DGKI: variants seen among roughly 807,000 people sequenced by gnomAD.
DGKI encodes the protein diacylglycerol kinase iota.
Under a neutral mutation model 147.5 loss-of-function variants are expected in DGKI, and 55 were observed. The ratio of observed to expected loss-of-function variants is 0.37; its 90% confidence interval spans 0.30 to 0.47. DGKI has a LOEUF of 0.47. Ranked by LOEUF, DGKI falls within the 20% of genes least tolerant of loss-of-function variation. DGKI has a pLI of 1.00. For missense variants in DGKI, 1,007 were observed against 1,323.8 expected, an observed-to-expected ratio of 0.76 and a Z score of 3.71; for synonymous variants, 469 against 477.1, an observed-to-expected ratio of 0.98 and a Z score of 0.22.
At chr7:137,701,940 A>T (rs888509615) in intron 1 of DGKI, among the ~76,000 whole-genome samples, 9 of 152,202 alleles carry the variant, frequency 5.9e-5, no homozygotes, top group African/African-American at 1.7e-4. Flanking sequence ...GAAATCCAGA[A>T]CATGTGCTAT....
intron 1 of DGKI, among the ~76,000 whole-genome samples, chr7:137,740,957 G>GCTCA (rs1795156325): frequency 1.3e-5 from 2 of 152,132 alleles, no homozygotes; most frequent in Admixed American, 1.3e-4. Flanking sequence ...AGGTAAATGA[G>GCTCA]CTCACCTCTC....
At chr7:137,728,800 T>A (rs910610798) in intron 1 of DGKI, among the ~76,000 whole-genome samples, 1 of 152,184 alleles carries the variant, frequency 6.6e-6, no homozygotes, top group African/African-American at 2.4e-5. Flanking sequence ...TTTAATCACA[T>A]GAAAGTTAAA....
rs1811138971 is a variant in DGKI at position 137,384,811 on chromosome 7, T to C, written c.*6409A>G. 6.6e-6 allele frequency: 1 copy of C among 152,126 alleles called. No homozygotes were observed. Among genetic ancestry groups the C allele is most frequent in the African/African-American group, 2.4e-5 (1 of 41,442 alleles). The allele number at this position is 152,126 out of a possible 1,614,324, so 9.4% of individuals were successfully genotyped here. ...ACTAAAGGTCTGAGGGAAAAGATAATTTCAGTATTTCCCACTATCAAAGCC... is the reference window on the plus strand; with the variant it reads ...ACTAAAGGTCTGAGGGAAAAGATAACTTCAGTATTTCCCACTATCAAAGCC... On this transcript the variant is annotated 3_prime_UTR_variant, in exon 33 of 33. Transcript: ENST00000614521.
intron 28 of DGKI, among the ~76,000 whole-genome samples, chr7:137,441,786 C>T (rs1813520300): frequency 6.6e-6 from 1 of 152,088 alleles, no homozygotes; most frequent in Non-Finnish European, 1.5e-5. Context: ...TCCATGTGTC[C>T]AACATGCCTT....
chr7:137,709,064 C>T (rs1794137321), intron 1 of DGKI, among the ~76,000 whole-genome samples: 1 of 152,196 alleles, frequency 6.6e-6, no homozygotes, highest in East Asian at 1.9e-4. Context: ...CACTTCGCTG[C>T]TCCAACCCTT....
intron 5 of DGKI, among the ~76,000 whole-genome samples, chr7:137,649,269 C>A (rs1335137614): frequency 1.3e-5 from 2 of 152,102 alleles, no homozygotes; most frequent in African/African-American, 4.8e-5. Context: ...TTATTCTAAT[C>A]CTCATATCCC....
chr7:137,737,623 C>T (rs1028669641), intron 1 of DGKI, among the ~76,000 whole-genome samples: 2 of 152,028 alleles, frequency 1.3e-5, no homozygotes, highest in East Asian at 1.9e-4. Context: ...CCTATCAACC[C>T]AAATTACATC....
chr7:137,730,217 C>A (rs1794834965), intron 1 of DGKI, among the ~76,000 whole-genome samples: 1 of 152,048 alleles, frequency 6.6e-6, no homozygotes, highest in African/African-American at 2.4e-5. Flanking sequence ...TACCTCCTGT[C>A]CTGGATATCC....
chr7:137,654,807 A>C lies in DGKI; in HGVS notation c.682-19T>G. The C allele has an allele frequency of 6.5e-7, 1 of 1,528,944 alleles. No homozygotes were observed. The highest frequency in any genetic ancestry group is 9.1e-7 in the Non-Finnish European group (1 of 1,104,590). The allele number at this position is 1,528,944 out of a possible 1,614,324, so 94.7% of individuals were successfully genotyped here. ...AATTAATCTGTCATTCAAAAAGAAA[A>C]GTATATTATATTAGAGATAAGCATC... is the stretch of plus-strand genomic sequence containing the variant. On this transcript the variant is annotated intron_variant, in intron 4 of 32. Coordinates refer to ENST00000614521, the MANE Select transcript of DGKI (RefSeq NM_001321708.2).
chr7:137,634,003 C>A (rs910312440), intron 6 of DGKI, among the ~76,000 whole-genome samples: 1 of 152,196 alleles, frequency 6.6e-6, no homozygotes, highest in Non-Finnish European at 1.5e-5. Context: ...AAAGGTGGGA[C>A]ATAAGCCCTA....
intron 1 of DGKI, among the ~76,000 whole-genome samples, chr7:137,781,081 A>G (rs1585483402): frequency 1.3e-5 from 2 of 152,334 alleles, no homozygotes; most frequent in East Asian, 3.9e-4. Flanking sequence ...TTGTTGGTGG[A>G]TCTAGGAGAG....
At chr7:137,631,214 T>C (rs1480913156) in intron 6 of DGKI, among the ~76,000 whole-genome samples, 1 of 152,220 alleles carries the variant, frequency 6.6e-6, no homozygotes, top group Non-Finnish European at 1.5e-5. Context: ...TGTGTAAACA[T>C]AGACTATTTT....
At chr7:137,625,014 C>T (rs1325096922) in intron 6 of DGKI, among the ~76,000 whole-genome samples, 2 of 152,236 alleles carry the variant, frequency 1.3e-5, no homozygotes, top group African/African-American at 4.8e-5. Flanking sequence ...TTTGCTCCAA[C>T]CTGAACTACC....
chr7:137,831,880 C>T (rs568581714), intron 1 of DGKI, among the ~76,000 whole-genome samples: 190 of 152,358 alleles, frequency 1.2e-3, no homozygotes, highest in Non-Finnish European at 2.1e-3. Flanking sequence ...GGGATACAAA[C>T]ATTGGGTAAA....
At chr7:137,445,138 A>G (rs1253368455) in intron 27 of DGKI, among the ~76,000 whole-genome samples, 1 of 152,220 alleles carries the variant, frequency 6.6e-6, no homozygotes, top group Non-Finnish European at 1.5e-5. Flanking sequence ...AGAATCATTC[A>G]GTCAATACAA....
intron 19 of DGKI, among the ~76,000 whole-genome samples, chr7:137,558,377 A>T (rs1286034034): frequency 6.6e-6 from 1 of 152,100 alleles, no homozygotes; most frequent in East Asian, 1.9e-4. Flanking sequence ...CCTCCAAAGC[A>T]ATTCTCCTGC....
chr7:137,433,600 A>T (rs1813166712), intron 28 of DGKI, among the ~76,000 whole-genome samples: 1 of 152,232 alleles, frequency 6.6e-6, no homozygotes, highest in South Asian at 2.1e-4. Context: ...AGATCATATA[A>T]TTTCATACAG....
Position 137,382,457 on chromosome 7 carries a change from T to C in DGKI, c.*8763A>G, listed in dbSNP as rs958920787. Reference sequence around the variant, plus strand: ...CACCTCGTCCTTTGGAAAGCTCCATTAAAAAGTTCTTCTATTAGCTGACCC... The same window carrying C: ...CACCTCGTCCTTTGGAAAGCTCCATCAAAAAGTTCTTCTATTAGCTGACCC... On this transcript the variant is annotated 3_prime_UTR_variant, in exon 33 of 33. Transcript: ENST00000614521. 1 of 152,102 alleles carries C rather than the reference T, an allele frequency of 6.6e-6. No individual in the cohort carries two copies. The highest frequency in any genetic ancestry group is 2.4e-5 in the African/African-American group (1 of 41,428). The allele number at this position is 152,102 out of a possible 1,614,324, so 9.4% of individuals were successfully genotyped here. A position where few individuals can be genotyped will look rare whatever the true frequency, so the allele number is the denominator to read the frequency against.
At chr7:137,630,034 T>C (rs1821074309) in intron 6 of DGKI, among the ~76,000 whole-genome samples, 1 of 152,188 alleles carries the variant, frequency 6.6e-6, no homozygotes, top group Non-Finnish European at 1.5e-5. Context: ...TGTAAACATA[T>C]ATATTCATCT....
Sources: gnomAD v4.1 joint callset for allele counts (sites outside exome capture counted in the v4.1 genomes callset) on GRCh38, gnomAD v4.1.1 for gene constraint, MANE v1.5 for transcripts, NCBI Gene and HGNC (gene_info 2026-07-23, HGNC 2026-07-21) for gene names.